DDO: variants seen among roughly 807,000 people sequenced by gnomAD.
DDO encodes D-aspartate oxidase, DDO.
A neutral mutation model predicts 16.8 loss-of-function variants in DDO; 16 were observed. That is an observed-to-expected ratio of 0.95 (90% CI 0.65 to 1.45). DDO has a LOEUF of 1.45. Among genes scored for constraint, DDO ranks in the 40% most tolerant of loss-of-function variants. DDO has a pLI of 0.00. For missense variants in DDO, 429 were observed against 420.3 expected (o/e 1.02, Z -0.18); for synonymous variants, 180 against 167.2 (o/e 1.08, Z -0.59).
At chr6:110,405,700 C>T (rs183846653) in intron 3 of DDO, among the ~76,000 whole-genome samples, 11 of 152,130 alleles carry the variant, frequency 7.2e-5, no homozygotes, top group African/African-American at 2.4e-4. Flanking sequence ...AGGGGAAGTT[C>T]GAGACCAGCC....
chr6:110,413,591 G>T, intron 1 of DDO, 125 bp from the exon 2 acceptor site: 1 of 940,092 alleles, frequency 1.1e-6, no homozygotes, highest in Non-Finnish European at 1.6e-6. Flanking sequence ...GCCTATTGGT[G>T]TTTCTTGTGA....
chr6:110,405,060 A>T, intron 3 of DDO, 110 bp from the exon 4 acceptor site: 19 of 1,094,672 alleles, frequency 1.7e-5, no homozygotes, highest in Non-Finnish European at 2.3e-5. Context: ...TTTTTGAGAC[A>T]GAGTCTCACT....
chr6:110,400,364 A>AC (rs201579851), intron 4 of DDO, among the ~76,000 whole-genome samples: 26,159 of 122,020 alleles, frequency 0.21, 3,922 homozygotes, highest in East Asian at 0.25. Context: ...CTGGCGCCTC[A>AC]TCACGGGCCC....
Position 110,402,611 on chromosome 6 carries a change from A to G in DDO, c.458+2163T>C, listed in dbSNP as rs552645342. Among the ~76,000 whole-genome samples, 3 of 152,336 alleles carry G rather than the reference A, an allele frequency of 2.0e-5. No individual in the cohort carries two copies. The South Asian group carries it at 6.2e-4, about 32-fold the overall frequency. Reference sequence around the variant, plus strand: ...ACCCGGGAGGTTGCAGTGAGCTGAGATCACGCCACTGCACTTCAGCCTGAG... The same window carrying G: ...ACCCGGGAGGTTGCAGTGAGCTGAGGTCACGCCACTGCACTTCAGCCTGAG... On this transcript the variant is annotated intron_variant, in intron 4 of 4. Coordinates refer to ENST00000368924, the MANE Select transcript of DDO (RefSeq NM_001372108.2).
chr6:110,391,192 G>A (rs897148368), downstream of DDO, among the ~76,000 whole-genome samples: 2 of 152,268 alleles, frequency 1.3e-5, no homozygotes, highest in Middle Eastern at 3.4e-3. Context: ...CTGAATGAAC[G>A]CAACAGTAAA....
chr6:110,415,404 C>A lies in DDO; in HGVS notation c.-5+63G>T, dbSNP rs1774013878. On this transcript the variant is annotated intron_variant, in intron 1 of 4. Coordinates refer to ENST00000368924, the MANE Select transcript of DDO (RefSeq NM_001372108.2). Reference sequence around the variant, plus strand: ...ACTGTCCCCTGACCCTATTCAGACACACTCCCAAACTCCCAGAGCATGGAC... The same window carrying A: ...ACTGTCCCCTGACCCTATTCAGACAAACTCCCAAACTCCCAGAGCATGGAC... 3 of 1,600,898 alleles carry A rather than the reference C, an allele frequency of 1.9e-6. No homozygotes were observed. The South Asian group carries it at 3.4e-5, about 18-fold the overall frequency.
rs774549747 is a variant in DDO at position 110,408,370 on chromosome 6, G to A, written c.245C>T (p.Ala82Val). 6.2e-7 allele frequency: 1 copy of A among 1,614,122 alleles called. No homozygotes were observed. Among genetic ancestry groups the A allele is most frequent in the East Asian group, 2.2e-5 (1 of 44,876 alleles). The change falls in exon 3 of 5, where the codon GCA becomes GTA. Residue 82 changes from alanine (A) to valine (V), a missense_variant. Physicochemically the swap from Ala to Val is moderately conservative, Grantham distance 64. Coordinates refer to ENST00000368924, the MANE Select transcript of DDO (RefSeq NM_001372108.2). Reference protein sequence around the residue: ...FNHLFAIANSAEAGDAGVHLV... With the variant: ...FNHLFAIANSVEAGDAGVHLV... ...ATGAACACCAGCATCTCCAGCTTCT[G>A]CAGAATTGGCAATTGCAAAGAGGTG...
intron 4 of DDO, among the ~76,000 whole-genome samples, chr6:110,397,660 T>A (rs1773333177): frequency 6.6e-6 from 1 of 152,106 alleles, no homozygotes; most frequent in Non-Finnish European, 1.5e-5. Flanking sequence ...ATTTCAAGGG[T>A]TCCCTGCTGG....
Position 110,412,538 on chromosome 6 carries a change from A to G in DDO, c.172+753T>C, listed in dbSNP as rs531912868. 1.1e-3 allele frequency among the ~76,000 whole-genome samples: 171 copies of G among 152,298 alleles called. 1 individual carries two copies. Among genetic ancestry groups the G allele is most frequent in the South Asian group, 6.2e-4 (3 of 4,824 alleles). ...CTGGCCTCCTGCTGAGGGTGGAGAC[A>G]TGTGGCCTGCTCTGCCAATGAGCCA... On this transcript the variant is annotated intron_variant, in intron 2 of 4. Transcript: ENST00000368924.
chr6:110,401,569 G>C (rs905193199), intron 4 of DDO, among the ~76,000 whole-genome samples: 2 of 151,870 alleles, frequency 1.3e-5, no homozygotes, highest in African/African-American at 4.8e-5. Flanking sequence ...TCAAAATGAT[G>C]GGGGGGATAA....
chr6:110,402,944 T>C (rs924518574), intron 4 of DDO, among the ~76,000 whole-genome samples: 17 of 152,150 alleles, frequency 1.1e-4, no homozygotes, highest in Admixed American at 9.2e-4. Flanking sequence ...CCAGGTTTTC[T>C]AGAAAGCTTA....
Position 110,408,572 on chromosome 6 carries a change from G to A in DDO, c.173-130C>T, listed in dbSNP as rs533311222. 212 of 724,238 alleles carry A rather than the reference G, an allele frequency of 2.9e-4. 1 individual carries two copies. The South Asian group carries it at 3.7e-3, about 13-fold the overall frequency. 44.9% of individuals were successfully genotyped at this position (724,238 alleles called of 1,614,324 possible). On this transcript the variant is annotated intron_variant, in intron 2 of 4. Transcript: ENST00000368924. Reference sequence around the variant, plus strand: ...CAAAAATAAAATAAGGAGGCAGGGAGGAACATTAATATAAAGTGCCACATT... The same window carrying A: ...CAAAAATAAAATAAGGAGGCAGGGAAGAACATTAATATAAAGTGCCACATT...
intron 4 of DDO, among the ~76,000 whole-genome samples, chr6:110,402,032 G>A (rs1441722527): frequency 1.3e-5 from 2 of 152,104 alleles, no homozygotes; most frequent in African/African-American, 2.4e-5. Context: ...ATCCGATCCC[G>A]AGGAAACATC....
intron 3 of DDO, among the ~76,000 whole-genome samples, chr6:110,406,786 C>T (rs563024593): frequency 6.8e-6 from 1 of 146,074 alleles, no homozygotes; most frequent in South Asian, 2.4e-4. Context: ...TTACACTCTT[C>T]CTGATGGTCT....
At chr6:110,390,564 C>T (rs1041682315), downstream of DDO, among the ~76,000 whole-genome samples, 10 of 152,276 alleles carry the variant, frequency 6.6e-5, no homozygotes, top group East Asian at 5.8e-4. Context: ...AAATATAAAA[C>T]GCAGAGTGAA....
Position 110,410,933 on chromosome 6 carries a change from A to G in DDO, c.172+2358T>C, listed in dbSNP as rs1264509578. Among the ~76,000 whole-genome samples, 5 of 152,176 alleles carry G rather than the reference A, an allele frequency of 3.3e-5. No homozygotes were observed. In the East Asian group the frequency reaches 9.6e-4, roughly 29 times the overall value. On this transcript the variant is annotated intron_variant, in intron 2 of 4. Transcript: ENST00000368924. ...AGGTCGCTGCTATTACCACCCTAAT[A>G]AAAGATATGTCTATTCTTTCTTAGG...
chr6:110,392,768 A>G lies in DDO; in HGVS notation c.*7T>C, dbSNP rs1363336044. On this transcript the variant is annotated 3_prime_UTR_variant, in exon 5 of 5. Coordinates refer to ENST00000368924, the MANE Select transcript of DDO (RefSeq NM_001372108.2). ...CTCTCAGTCTCTTTGCTGTCATTTT[A>G]TGTCATCTACAGGTTTGACTTGGGA... 18 of 1,527,700 alleles carry G rather than the reference A, an allele frequency of 1.2e-5. No homozygotes were observed. Among genetic ancestry groups the G allele is most frequent in the Non-Finnish European group, 1.6e-5 (18 of 1,138,128 alleles). 94.6% of individuals were successfully genotyped at this position (1,527,700 alleles called of 1,614,324 possible).
At chr6:110,412,822 G>A (rs1773904202) in intron 2 of DDO, among the ~76,000 whole-genome samples, 1 of 152,208 alleles carries the variant, frequency 6.6e-6, no homozygotes, top group African/African-American at 2.4e-5. Context: ...GCATAACTGA[G>A]GCTGTCCTAA....
chr6:110,408,011 C>G (rs924388880), intron 3 of DDO, among the ~76,000 whole-genome samples: 5 of 152,206 alleles, frequency 3.3e-5, no homozygotes, highest in African/African-American at 1.2e-4. Context: ...TGTACCATCC[C>G]CACATCACCC....
Sources: gnomAD v4.1 joint callset for allele counts (sites outside exome capture counted in the v4.1 genomes callset) on GRCh38, gnomAD v4.1.1 for gene constraint, MANE v1.5 for transcripts, NCBI Gene and HGNC (gene_info 2026-07-23, HGNC 2026-07-21) for gene names.